Variants in MGAT4A observed in about 807,000 individuals in gnomAD.
The protein encoded by MGAT4A is alpha-1,3-mannosyl-glycoprotein 4-beta-N-acetylglucosaminyltransferase A, also known as N-acetylglucosaminyltransferase IVa.
MGAT4A carries 33 observed loss-of-function variants against 74.1 expected under a neutral mutation model. The observed-to-expected ratio is 0.45, with a 90% CI of 0.34 to 0.60. MGAT4A has a LOEUF of 0.60. MGAT4A is among the 20% of genes least tolerant of loss of function. The pLI, the probability that MGAT4A is intolerant of heterozygous loss-of-function variation, is 0.02. For missense variants in MGAT4A, 479 were observed against 628.3 expected (o/e 0.76, Z 2.54); for synonymous variants, 198 against 210.4 (o/e 0.94, Z 0.51).
intron 14 of MGAT4A, among the ~76,000 whole-genome samples, chr2:98,631,373 G>A (rs535042029): frequency 1.3e-5 from 2 of 152,364 alleles, no homozygotes; most frequent in South Asian, 4.1e-4. Context: ...GCCCTGGCTA[G>A]AGCTCCAACC....
chr2:98,705,018 T>C (rs977259211), intron 2 of MGAT4A, among the ~76,000 whole-genome samples: 1 of 152,190 alleles, frequency 6.6e-6, no homozygotes, highest in African/African-American at 2.4e-5. Context: ...GCTGCATTTC[T>C]ACCTTATCAT....
Position 98,718,917 on chromosome 2 carries a change from T to A in MGAT4A, c.94+7322A>T, listed in dbSNP as rs1431772031. 2.0e-5 allele frequency among the ~76,000 whole-genome samples: 3 copies of A among 151,934 alleles called. No homozygotes were observed. In the East Asian group the frequency reaches 5.8e-4, roughly 29 times the overall value. On this transcript the variant is annotated intron_variant, in intron 2 of 15. Transcript: ENST00000393487. Reference sequence around the variant, plus strand: ...TCCACTTAGTGCTCAGCCCCTAGAGTGGGGCTGCCACTCAGAGAAAAACCT... The same window carrying A: ...TCCACTTAGTGCTCAGCCCCTAGAGAGGGGCTGCCACTCAGAGAAAAACCT...
At chr2:98,668,597 A>AT (rs1239438370) in intron 4 of MGAT4A, among the ~76,000 whole-genome samples, 3 of 152,200 alleles carry the variant, frequency 2.0e-5, no homozygotes, top group African/African-American at 7.2e-5. Flanking sequence ...CAGAGTCCCT[A>AT]TTGGGGCACC....
intron 5 of MGAT4A, among the ~76,000 whole-genome samples, chr2:98,659,836 C>T (rs544145859): frequency 2.0e-5 from 3 of 152,008 alleles, no homozygotes; most frequent in Non-Finnish European, 2.9e-5. Context: ...TAAAAATGGA[C>T]TAATACACCT....
chr2:98,702,361 T>C (rs1176079468), intron 2 of MGAT4A, among the ~76,000 whole-genome samples: 2 of 152,210 alleles, frequency 1.3e-5, no homozygotes, highest in African/African-American at 2.4e-5. Context: ...GCCATGAGGC[T>C]GCTGTTCTAT....
At chr2:98,675,682 G>C (rs1701969354) in intron 3 of MGAT4A, among the ~76,000 whole-genome samples, 2 of 151,574 alleles carry the variant, frequency 1.3e-5, no homozygotes, top group African/African-American at 4.8e-5. Flanking sequence ...TGAGTACCTG[G>C]GACTGCAGGC....
rs898890596 is a variant in MGAT4A, at chr2:98,671,873, T to C, written c.403+3162A>G. 5.1e-5 allele frequency among the ~76,000 whole-genome samples: 7 copies of C among 137,422 alleles called. No homozygotes were observed. The Admixed American group carries it at 6.0e-4, about 12-fold the overall frequency. 90.2% of individuals were successfully genotyped at this position (137,422 alleles called of 152,430 possible). Reference sequence around the variant, plus strand: ...TGGAACAACAGAATCAAGAGGGTCATGGTCAGAGAGATTTGAAGATACTGT... The same window carrying C: ...TGGAACAACAGAATCAAGAGGGTCACGGTCAGAGAGATTTGAAGATACTGT... On this transcript the variant is annotated intron_variant, in intron 4 of 15. Transcript: ENST00000393487.
At chr2:98,642,175 A>C (rs1279337982) in intron 10 of MGAT4A, among the ~76,000 whole-genome samples, 1 of 152,150 alleles carries the variant, frequency 6.6e-6, no homozygotes, top group Non-Finnish European at 1.5e-5. Context: ...AAAGGGAGGA[A>C]GAGTCAAAGG....
rs1389874680 is a variant in MGAT4A, at chr2:98,622,968, TG to T, written c.*2597del. Reference sequence around the variant, plus strand: ...CAGAGATCGAGGCTGCAGTGAGCTATGAGAGCACCACTGCACTCCAGCCTGG... The same window carrying T: ...CAGAGATCGAGGCTGCAGTGAGCTATAGAGCACCACTGCACTCCAGCCTGG... On this transcript the variant is annotated 3_prime_UTR_variant, in exon 16 of 16. Coordinates refer to ENST00000393487, the MANE Select transcript of MGAT4A (RefSeq NM_012214.3). 1.0e-6 allele frequency: 1 copy of T among 976,676 alleles called. No homozygotes were observed. Among genetic ancestry groups the T allele is most frequent in the Non-Finnish European group, 1.2e-6 (1 of 822,104 alleles). The allele number at this position is 976,676 out of a possible 1,614,324, so 60.5% of individuals were successfully genotyped here.
intron 6 of MGAT4A, among the ~76,000 whole-genome samples, chr2:98,657,562 T>G (rs1371258731): frequency 6.6e-6 from 1 of 152,230 alleles, no homozygotes; most frequent in Non-Finnish European, 1.5e-5. Flanking sequence ...CACATTATTT[T>G]AAATGTAGGG....
At chr2:98,674,989 T>C (rs1701959077) in intron 4 of MGAT4A, 46 bp downstream of exon 4, 1 of 1,585,840 alleles carries the variant, frequency 6.3e-7, no homozygotes, top group South Asian at 1.2e-5. Context: ...CCAAAACACA[T>C]TTAACAGCAG....
chr2:98,678,517 TAAAC>T (rs1249789013), intron 2 of MGAT4A, 46 bp from the exon 3 acceptor site: 1 of 1,261,374 alleles, frequency 7.9e-7, no homozygotes, highest in Admixed American at 2.3e-5. Flanking sequence ...TTAAAACAAA[TAAAC>T]AATATAATCT....
chr2:98,647,424 C>T (rs1362984336), intron 8 of MGAT4A, among the ~76,000 whole-genome samples: 3 of 152,192 alleles, frequency 2.0e-5, no homozygotes, highest in Admixed American at 2.0e-4. Context: ...AAGTGATTCT[C>T]CTGCCTCAGC....
chr2:98,670,560 C>T (rs1701898080), intron 4 of MGAT4A, among the ~76,000 whole-genome samples: 1 of 152,194 alleles, frequency 6.6e-6, no homozygotes, highest in Middle Eastern at 3.2e-3. Context: ...CTCAATCTAC[C>T]TTTAGTTATA....
At chr2:98,640,840 T>C (rs994009058) in intron 10 of MGAT4A, among the ~76,000 whole-genome samples, 1 of 152,160 alleles carries the variant, frequency 6.6e-6, no homozygotes, top group African/African-American at 2.4e-5. Context: ...AATATTAAAA[T>C]GAATAAACTA....
chr2:98,673,331 G>C (rs1308356926), intron 4 of MGAT4A, among the ~76,000 whole-genome samples: 1 of 152,074 alleles, frequency 6.6e-6, no homozygotes, highest in African/African-American at 2.4e-5. Flanking sequence ...TGAAGCCCTA[G>C]ATAAGTTCTG....
At chr2:98,654,936 C>A (rs1055117104) in intron 8 of MGAT4A, among the ~76,000 whole-genome samples, 4 of 152,076 alleles carry the variant, frequency 2.6e-5, no homozygotes, top group Non-Finnish European at 4.4e-5. Flanking sequence ...TGTCTGTAAT[C>A]CCATGACATA....
intron 14 of MGAT4A, among the ~76,000 whole-genome samples, chr2:98,627,774 A>G (rs1701168772): frequency 6.6e-6 from 1 of 152,200 alleles, no homozygotes; most frequent in Non-Finnish European, 1.5e-5. Context: ...ACTGCAGTAA[A>G]TCTCTACCAC....
chr2:98,697,927 A>C (rs906481349), intron 2 of MGAT4A, among the ~76,000 whole-genome samples: 1 of 152,354 alleles, frequency 6.6e-6, no homozygotes. Flanking sequence ...TGTACACACA[A>C]AAGTGATTAG....
Sources: gnomAD v4.1 joint callset for allele counts (sites outside exome capture counted in the v4.1 genomes callset) on GRCh38, gnomAD v4.1.1 for gene constraint, MANE v1.5 for transcripts, NCBI Gene and HGNC (gene_info 2026-07-23, HGNC 2026-07-21) for gene names.